Variants in SH2B3 observed in about 807,000 individuals in gnomAD.
SH2B3 encodes SH2B adapter protein 3.
In SH2B3, 43 loss-of-function variants were observed where a neutral mutation model predicts 51.9. That is an observed-to-expected ratio of 0.83 (90% CI 0.65 to 1.07). SH2B3 has a LOEUF of 1.07. SH2B3 is among the 50% of genes least tolerant of loss of function. The pLI is 0.00. For missense variants in SH2B3, 952 were observed against 834.3 expected (o/e 1.14, Z -1.74); for synonymous variants, 396 against 376.0 (o/e 1.05, Z -0.62).
chr12:111,418,886 G>C lies in SH2B3; in HGVS notation c.732+9G>C. On this transcript the variant is annotated intron_variant, in intron 2 of 7. Coordinates refer to ENST00000341259, the MANE Select transcript of SH2B3 (RefSeq NM_005475.3). This position sits in a 1 kb window ranked among gnomAD's most constrained non-coding sequence, Gnocchi z 6.7. ...TCTTCGACCCACCCAAGGTAAGTAAGCCCTGCCCGCGGGGTTGCGCACTGC... is the reference window on the plus strand; with the variant it reads ...TCTTCGACCCACCCAAGGTAAGTAACCCCTGCCCGCGGGGTTGCGCACTGC... 7.2e-7 allele frequency: 1 copy of C among 1,397,636 alleles called. No individual in the cohort carries two copies. Among genetic ancestry groups the C allele is most frequent in the Non-Finnish European group, 9.2e-7 (1 of 1,088,712 alleles). 86.6% of individuals were successfully genotyped at this position (1,397,636 alleles called of 1,614,324 possible).
Position 111,447,652 on chromosome 12 carries a change from A to G in SH2B3, c.1237-4A>G, listed in dbSNP as rs1874144909. On this transcript the variant is annotated splice_region_variant and splice_polypyrimidine_tract_variant and intron_variant, in intron 6 of 7. Transcript: ENST00000341259. ...CCCGAGCCCACCATCCTCTCCTCCC[A>G]CAGCACCTGCGCCTGTCGCTGACAG... is the stretch of plus-strand genomic sequence containing the variant. 1 of 1,610,492 alleles carries G rather than the reference A, an allele frequency of 6.2e-7. No individual in the cohort carries two copies. Among genetic ancestry groups the G allele is most frequent in the Non-Finnish European group, 8.5e-7 (1 of 1,177,436 alleles).
intron 2 of SH2B3, among the ~76,000 whole-genome samples, chr12:111,423,462 C>T (rs1192098650): frequency 1.3e-5 from 2 of 152,068 alleles, no homozygotes; most frequent in African/African-American, 2.4e-5. Context: ...CTCCGCCTCC[C>T]GGGTTCATGC....
intron 2 of SH2B3, among the ~76,000 whole-genome samples, chr12:111,432,934 TCTGG>T (rs1182552459): frequency 5.9e-5 from 9 of 152,262 alleles, no homozygotes; most frequent in Admixed American, 2.6e-4. Flanking sequence ...ATCTCCACTT[TCTGG>T]CTGTTATGAA....
Position 111,438,233 on chromosome 12 carries a change from G to T in SH2B3, c.733-8520G>T, listed in dbSNP as rs558411347. Reference sequence around the variant, plus strand: ...AGGTGTTGGGGGTGCTGGGGCTGGGGGTGGGCAGATGAGGATTGGAGCCCT... The same window carrying T: ...AGGTGTTGGGGGTGCTGGGGCTGGGTGTGGGCAGATGAGGATTGGAGCCCT... On this transcript the variant is annotated intron_variant, in intron 2 of 7. Coordinates refer to ENST00000341259, the MANE Select transcript of SH2B3 (RefSeq NM_005475.3). The surrounding 1 kb of genome is among the most constrained non-coding windows in gnomAD (Gnocchi z 4.2). Among the ~76,000 whole-genome samples, 1 of 152,212 alleles carries T rather than the reference G, an allele frequency of 6.6e-6. No individual in the cohort carries two copies. The highest frequency in any genetic ancestry group is 1.9e-4 in the East Asian group (1 of 5,166).
intron 2 of SH2B3, chr12:111,444,849 A>C: frequency 1.0e-6 from 1 of 985,668 alleles, no homozygotes; most frequent in Non-Finnish European, 1.2e-6. Context: ...TAGGACACCC[A>C]TACCACCAGG....
intron 1 of SH2B3, among the ~76,000 whole-genome samples, chr12:111,413,570 T>G (rs2135538710): frequency 6.6e-6 from 1 of 152,334 alleles, no homozygotes. Context: ...TGCCAGGGTT[T>G]GGCCCTGCAG....
At chr12:111,447,104 C>A in intron 4 of SH2B3, 21 bp from the exon 5 acceptor site, 3 of 1,611,724 alleles carry the variant, frequency 1.9e-6, no homozygotes, top group Non-Finnish European at 2.5e-6. Context: ...AGATCCTTAA[C>A]CTCAGCCTCT....
In SH2B3 at chr12:111,447,506, G is replaced by T; in HGVS notation, c.1198G>T (p.Glu400Ter). The T allele has an allele frequency of 6.7e-7, 1 of 1,488,996 alleles. No homozygotes were observed. Among genetic ancestry groups the T allele is most frequent in the South Asian group, 1.1e-5 (1 of 89,544 alleles). The allele number at this position is 1,488,996 out of a possible 1,614,324, so 92.2% of individuals were successfully genotyped here. ...LVRQSETRRG[E>*]YVLTFNFQGI... ...GCGGCAGAGCGAGACGCGGCGTGGG[G>T]AATACGTGCTCACTTTCAACTTTCA... The change falls in exon 6 of 8, where the codon GAA (glutamate) becomes TAA (stop). Residue 400 changes from glutamate to a stop codon, truncating the protein, a stop_gained. Coordinates refer to ENST00000341259, the MANE Select transcript of SH2B3 (RefSeq NM_005475.3). LOFTEE classifies it high-confidence loss of function.
In SH2B3 at chr12:111,407,613, C is replaced by G. The variant is rs1226669557; in HGVS notation, c.-28+1336C>G. On this transcript the variant is annotated intron_variant, in intron 1 of 7. Coordinates refer to ENST00000341259, the MANE Select transcript of SH2B3 (RefSeq NM_005475.3). The surrounding 1 kb of genome is among the most constrained non-coding windows in gnomAD (Gnocchi z 4.3). ...CTCGGAGGATGAGAGCCAGGGCCTA[C>G]TGGGGGAAGTTGGAAGGGTTTTTAG... is the stretch of plus-strand genomic sequence containing the variant. Among the ~76,000 whole-genome samples the G allele has an allele frequency of 6.6e-6, 1 of 152,220 alleles. No homozygotes were observed. The highest frequency in any genetic ancestry group is 1.9e-4 in the East Asian group (1 of 5,204).
Position 111,446,969 on chromosome 12 carries a change from G to C in SH2B3, c.862G>C (p.Glu288Gln). ...KVKDRTDIIFEVGDEQQLNSW... is the reference protein window; with the variant it reads ...KVKDRTDIIFQVGDEQQLNSW... ...GAAGGACCGGACAGACATCATCTTT[G>C]AGGTGGGAGACGAGCAGCAGCTGAA... Residue 288 changes from glutamate (E) to glutamine (Q), a missense_variant, in exon 4 of 8, where the codon GAG (glutamate) becomes CAG (glutamine). Glu to Gln is a conservative substitution (Grantham distance 29). Coordinates refer to ENST00000341259, the MANE Select transcript of SH2B3 (RefSeq NM_005475.3). 6.2e-7 allele frequency: 1 copy of C among 1,614,124 alleles called. No homozygotes were observed. Among genetic ancestry groups the C allele is most frequent in the Admixed American group, 1.7e-5 (1 of 60,018 alleles).
At chr12:111,426,492 G>C (rs989896459) in intron 2 of SH2B3, among the ~76,000 whole-genome samples, 1 of 150,566 alleles carries the variant, frequency 6.6e-6, no homozygotes, top group Non-Finnish European at 1.5e-5. Context: ...TCCCAGTGTT[G>C]GGATTACAGG....
rs1466047107 is a variant in SH2B3 at position 111,449,503 on chromosome 12, C to T, written c.*1201C>T. On this transcript the variant is annotated 3_prime_UTR_variant, in exon 8 of 8. Coordinates refer to ENST00000341259, the MANE Select transcript of SH2B3 (RefSeq NM_005475.3). ...ACTGGATTGAGAATCTATCTATCTCCTTGCACACATGGGCACACACAATCT... is the reference window on the plus strand; with the variant it reads ...ACTGGATTGAGAATCTATCTATCTCTTTGCACACATGGGCACACACAATCT... 1 of 152,232 alleles carries T rather than the reference C, an allele frequency of 6.6e-6. No homozygotes were observed. Among genetic ancestry groups the T allele is most frequent in the Non-Finnish European group, 1.5e-5 (1 of 68,098 alleles). 9.4% of individuals were successfully genotyped at this position (152,232 alleles called of 1,614,324 possible). A position where few individuals can be genotyped will look rare whatever the true frequency, so the allele number is the denominator to read the frequency against.
intron 2 of SH2B3, among the ~76,000 whole-genome samples, chr12:111,422,908 G>T (rs2135556334): frequency 6.6e-6 from 1 of 152,152 alleles, no homozygotes; most frequent in South Asian, 2.1e-4. Context: ...TGTTGGCCAG[G>T]CTGGTCTTGA....
At chr12:111,431,030 C>CG (rs1001506334) in intron 2 of SH2B3, among the ~76,000 whole-genome samples, 38 of 134,858 alleles carry the variant, frequency 2.8e-4, no homozygotes, top group East Asian at 1.5e-3. Context: ...GGGTGGGTGG[C>CG]GGGGGGGGCT....
At chr12:111,408,773 C>T (rs1329814538) in intron 1 of SH2B3, among the ~76,000 whole-genome samples, 6 of 152,164 alleles carry the variant, frequency 3.9e-5, no homozygotes, top group Non-Finnish European at 8.8e-5. Flanking sequence ...GACCCCACAC[C>T]CTTCTGAGGG....
intron 2 of SH2B3, among the ~76,000 whole-genome samples, chr12:111,424,707 G>A (rs1871853962): frequency 1.3e-5 from 2 of 152,156 alleles, no homozygotes; most frequent in East Asian, 1.9e-4. Context: ...AGTCCGGGCG[G>A]CTCAGGAGCA....
At chr12:111,447,104 C>T (rs1162851682) in intron 4 of SH2B3, 21 bp from the exon 5 acceptor site, 6 of 1,611,724 alleles carry the variant, frequency 3.7e-6, no homozygotes, top group Non-Finnish European at 5.1e-6. Context: ...AGATCCTTAA[C>T]CTCAGCCTCT....
chr12:111,442,905 G>A (rs1873572285), intron 2 of SH2B3, among the ~76,000 whole-genome samples: 1 of 152,210 alleles, frequency 6.6e-6, no homozygotes, highest in Non-Finnish European at 1.5e-5. Flanking sequence ...GCCTGTCTCT[G>A]CTGGATGCCT....
At chr12:111,433,295 G>A (rs559999629) in intron 2 of SH2B3, among the ~76,000 whole-genome samples, 44 of 152,160 alleles carry the variant, frequency 2.9e-4, no homozygotes, top group Admixed American at 2.4e-3. Flanking sequence ...AGGCTGCAGC[G>A]AGCCAAGATC....
Sources: allele counts gnomAD v4.1 joint callset (sites outside exome capture counted in the v4.1 genomes callset), GRCh38; gene constraint gnomAD v4.1.1; non-coding constraint Gnocchi (gnomAD v3.1); transcripts MANE v1.5; gene names NCBI Gene and HGNC (gene_info 2026-07-23, HGNC 2026-07-21).